Variants in FOCAD observed in about 807,000 individuals in gnomAD.
FOCAD encodes the protein focadhesin, also known as KIAA1797.
A neutral mutation model predicts 225.6 loss-of-function variants in FOCAD; 198 were observed. The ratio of observed to expected loss-of-function variants is 0.88; its 90% CI spans 0.78 to 0.99. The LOEUF (loss-of-function observed/expected upper bound fraction) is 0.99, where lower values mean the gene tolerates loss of function less well. Among genes scored for constraint, FOCAD ranks in the 50% least tolerant of loss-of-function variants. The probability of loss-of-function intolerance (pLI) is 0.00; values close to 1 mark genes in which losing one functional copy is unlikely to be tolerated. For synonymous variants in FOCAD, 897 were observed against 755.0 expected, an observed-to-expected ratio of 1.19 and a Z score of -3.08; for missense variants, 2,713 against 2,123.6, an observed-to-expected ratio of 1.28 and a Z score of -5.46.
At chr9:20,690,928 C>G (rs573773835) in intron 1 of FOCAD, among the ~76,000 whole-genome samples, 3 of 148,580 alleles carry the variant, frequency 2.0e-5, no homozygotes, top group African/African-American at 5.0e-5. Context: ...TTTGAGACAG[C>G]TAGTCACTCT....
intron 19 of FOCAD, among the ~76,000 whole-genome samples, chr9:20,880,468 C>T (rs1830575449): frequency 6.6e-6 from 1 of 152,134 alleles, no homozygotes. Flanking sequence ...GCCAGTGACT[C>T]CAGTGGTTGA....
At chr9:20,841,264 G>T (rs139334092) in intron 15 of FOCAD, among the ~76,000 whole-genome samples, 1,690 of 151,896 alleles carry the variant, frequency 0.011, 53 homozygotes, top group Admixed American at 0.08. Flanking sequence ...AAGTACTTCT[G>T]TGTCCCCTAT....
At chr9:20,800,968 TC>T (rs1821754850) in intron 11 of FOCAD, among the ~76,000 whole-genome samples, 1 of 152,150 alleles carries the variant, frequency 6.6e-6, no homozygotes, top group Non-Finnish European at 1.5e-5. Context: ...TTTTTCCCCA[TC>T]TTTGTGGTTT....
rs1325183210 is a variant in FOCAD at position 20,820,366 on chromosome 9, A to G, written c.1603A>G (p.Thr535Ala). 5 of 1,612,772 alleles carry G rather than the reference A, an allele frequency of 3.1e-6. No homozygotes were observed. The highest frequency in any genetic ancestry group is 2.7e-5 in the African/African-American group (2 of 74,838). Reference sequence around the variant, plus strand: ...TCTACGAATAATACAACTACTTGGAACCACACCACGACTAAGAGCTGTCAC... The same window carrying G: ...TCTACGAATAATACAACTACTTGGAGCCACACCACGACTAAGAGCTGTCAC... The part of the protein sequence containing the change: ...QILRIIQLLG[T>A]TPRLRAVTLR... The change falls in exon 13 of 44, where the codon ACC becomes GCC. Residue 535 changes from threonine (T) to alanine (A), a missense_variant. Physicochemically the swap from Thr to Ala is moderately conservative, Grantham distance 58. Coordinates refer to ENST00000338382, the MANE Select transcript of FOCAD (RefSeq NM_001375567.1).
chr9:20,705,636 C>T (rs566565179), intron 1 of FOCAD, among the ~76,000 whole-genome samples: 87 of 151,228 alleles, frequency 5.8e-4, no homozygotes, highest in African/African-American at 2.0e-3. Context: ...TTTATATGAA[C>T]ATGAAGTCTT....
rs1025274925 is a variant in FOCAD at position 20,776,292 on chromosome 9, G to A, written c.907-2389G>A. ...AGAGTGCGCTATTCTGGGGCAGGGA[G>A]CAAGAGGTGCATGGTGGAGCTTCAG... On this transcript the variant is annotated intron_variant, in intron 8 of 43. Coordinates refer to ENST00000338382, the MANE Select transcript of FOCAD (RefSeq NM_001375567.1). Among the ~76,000 whole-genome samples, 4 of 152,344 alleles carry A rather than the reference G, an allele frequency of 2.6e-5. No individual in the cohort carries two copies. In the South Asian group the frequency reaches 6.2e-4, roughly 24 times the overall value.
intron 15 of FOCAD, among the ~76,000 whole-genome samples, chr9:20,852,688 C>G (rs1827787741): frequency 6.6e-6 from 1 of 151,724 alleles, no homozygotes; most frequent in African/African-American, 2.4e-5. Flanking sequence ...CCTAATTCAT[C>G]AATTTTTTTG....
intron 5 of FOCAD, among the ~76,000 whole-genome samples, chr9:20,746,573 T>G (rs576874371): frequency 1.3e-5 from 2 of 152,362 alleles, no homozygotes; most frequent in Non-Finnish European, 2.9e-5. Flanking sequence ...TTTTGCTCTT[T>G]GCCATGTTTG....
intron 21 of FOCAD, among the ~76,000 whole-genome samples, chr9:20,901,888 C>T (rs960306041): frequency 2.2e-5 from 3 of 136,788 alleles, no homozygotes; most frequent in African/African-American, 8.0e-5. Flanking sequence ...CTGGCTAGAA[C>T]ATTTTAGACT....
chr9:20,735,466 T>G (rs1827074657), intron 4 of FOCAD, among the ~76,000 whole-genome samples: 2 of 147,632 alleles, frequency 1.4e-5, no homozygotes, highest in African/African-American at 5.3e-5. Flanking sequence ...CAGTCAATCC[T>G]TCCTTCCTTC....
chr9:20,969,991 G>GTTT (rs60438771), intron 35 of FOCAD, among the ~76,000 whole-genome samples: 3 of 146,742 alleles, frequency 2.0e-5, no homozygotes, highest in Non-Finnish European at 1.5e-5. Context: ...TTCGATGACA[G>GTTT]TTTTTTTTTT....
At chr9:20,943,096 C>G (rs924599919) in intron 28 of FOCAD, among the ~76,000 whole-genome samples, 5 of 152,174 alleles carry the variant, frequency 3.3e-5, no homozygotes, top group Non-Finnish European at 5.9e-5. Context: ...CCTGTAGATT[C>G]TAAATAATAG....
At chr9:20,784,060 C>A (rs1238946442) in intron 10 of FOCAD, among the ~76,000 whole-genome samples, 2 of 152,192 alleles carry the variant, frequency 1.3e-5, no homozygotes, top group African/African-American at 4.8e-5. Context: ...TCTCCCCAGA[C>A]AATGCTGAGA....
chr9:20,659,804 G>C (rs1201404802), intron 2 of FOCAD, among the ~76,000 whole-genome samples: 1 of 152,230 alleles, frequency 6.6e-6, no homozygotes, highest in Non-Finnish European at 1.5e-5. Flanking sequence ...GTGAGATGCA[G>C]GTGGGCAGAT....
intron 15 of FOCAD, among the ~76,000 whole-genome samples, chr9:20,859,742 A>G (rs1297250903): frequency 6.7e-6 from 1 of 148,676 alleles, no homozygotes; most frequent in Non-Finnish European, 1.5e-5. Context: ...AGAAGTGAGC[A>G]CTAACACATA....
At chr9:20,709,113 A>G (rs1307465170) in intron 1 of FOCAD, among the ~76,000 whole-genome samples, 2 of 152,188 alleles carry the variant, frequency 1.3e-5, no homozygotes, top group African/African-American at 2.4e-5. Flanking sequence ...CTCTTTTATT[A>G]GTGCAATTGA....
At chr9:20,989,666 TA>T (rs964611058) in intron 41 of FOCAD, among the ~76,000 whole-genome samples, 1 of 152,054 alleles carries the variant, frequency 6.6e-6, no homozygotes, top group Non-Finnish European at 1.5e-5. Context: ...AAACATTTTT[TA>T]AAAAAAATGA....
intron 6 of FOCAD, among the ~76,000 whole-genome samples, chr9:20,759,506 C>T (rs1325452480): frequency 6.6e-6 from 1 of 152,084 alleles, no homozygotes; most frequent in Admixed American, 6.6e-5. Flanking sequence ...ACTGGCTAGC[C>T]ATACGGAGAA....
intron 11 of FOCAD, 35 bp from the exon 12 acceptor site, chr9:20,819,761 A>G: frequency 8.6e-7 from 1 of 1,160,930 alleles, no homozygotes; most frequent in African/African-American, 1.6e-5. Flanking sequence ...TTTTGTAACA[A>G]GGCATATTTA....
Sources: allele counts gnomAD v4.1 joint callset (sites outside exome capture counted in the v4.1 genomes callset), GRCh38; gene constraint gnomAD v4.1.1; transcripts MANE v1.5; gene names NCBI Gene and HGNC (gene_info 2026-07-23, HGNC 2026-07-21).